Variants in NOCT observed in about 807,000 individuals in gnomAD.
NOCT encodes the protein CCR4 carbon catabolite repression 4-like.
In NOCT, 18 loss-of-function variants were observed where a neutral mutation model predicts 35.0. The ratio of observed to expected loss-of-function variants is 0.51; its 90% CI spans 0.36 to 0.76. The LOEUF (loss-of-function observed/expected upper bound fraction) is 0.76, where lower values mean the gene tolerates loss of function less well. NOCT is among the 30% of genes least tolerant of loss of function. NOCT has a pLI of 0.01. For synonymous variants in NOCT, 235 were observed against 226.3 expected (o/e 1.04, Z -0.34); for missense variants, 479 against 541.0 (o/e 0.89, Z 1.14).
intron 1 of NOCT, among the ~76,000 whole-genome samples, chr4:139,039,645 A>T (rs1218184508): frequency 6.6e-6 from 1 of 150,444 alleles, no homozygotes; most frequent in Non-Finnish European, 1.5e-5. Flanking sequence ...ATTTCTTTTT[A>T]ATTTTTATTG....
At chr4:139,033,521 T>C (rs1726664938) in intron 1 of NOCT, among the ~76,000 whole-genome samples, 1 of 151,828 alleles carries the variant, frequency 6.6e-6, no homozygotes, top group South Asian at 2.1e-4. Context: ...AAAAAAATTC[T>C]TTTAATTAGC....
At chr4:139,043,980 G>GTGTATATATATATATATATATA (rs757428472) in intron 2 of NOCT, 1 of 135,388 alleles carries the variant, frequency 7.4e-6, no homozygotes, top group African/African-American at 2.9e-5. Context: ...AAAAAAATAT[G>GTGTATATATATATATATATATA]TATATATATA....
At chr4:139,044,022 AAGGACTTCTTTCCTGGGTCTGC>A (rs1228582533) in intron 2 of NOCT, 5 of 148,924 alleles carry the variant, frequency 3.4e-5, no homozygotes, top group African/African-American at 1.2e-4. Context: ...TTACAGTAGT[AAGGACTTCTTTCCTGGGTCTGC>A]CAAATTAAAA....
chr4:139,042,410 ATTT>A (rs1177517383), intron 1 of NOCT, among the ~76,000 whole-genome samples: 4 of 152,142 alleles, frequency 2.6e-5, no homozygotes, highest in Admixed American at 2.6e-4. Context: ...AGGAATGTAG[ATTT>A]TGTTAAGCCT....
At chr4:139,039,572 C>T (rs1383101165) in intron 1 of NOCT, among the ~76,000 whole-genome samples, 1 of 151,190 alleles carries the variant, frequency 6.6e-6, no homozygotes, top group African/African-American at 2.4e-5. Flanking sequence ...GTATTTGTCA[C>T]TTTCTCCCTT....
chr4:139,020,112 TA>T (rs747262840), intron 1 of NOCT, among the ~76,000 whole-genome samples: 10 of 152,234 alleles, frequency 6.6e-5, no homozygotes, highest in Non-Finnish European at 1.5e-4. Context: ...ATTTTTCTGT[TA>T]GCATTCAATG....
chr4:139,032,164 A>G (rs1305899698), intron 1 of NOCT, among the ~76,000 whole-genome samples: 8 of 152,240 alleles, frequency 5.3e-5, no homozygotes, highest in Non-Finnish European at 1.2e-4. Context: ...CTTATACAGT[A>G]AAATAGCAGT....
chr4:139,042,071 C>CTTTTTTTTTT (rs368776726), intron 1 of NOCT, among the ~76,000 whole-genome samples: 1 of 108,740 alleles, frequency 9.2e-6, no homozygotes, highest in Non-Finnish European at 1.7e-5. Flanking sequence ...TCTTTAAGAT[C>CTTTTTTTTTT]TTTTTTTTTT....
chr4:139,018,628 C>A (rs1046433229), intron 1 of NOCT, among the ~76,000 whole-genome samples: 2 of 152,200 alleles, frequency 1.3e-5, no homozygotes. Context: ...TCACTCATTC[C>A]AGATCTTTAC....
chr4:139,043,980 G>GTATATATATATATATATATA (rs59044230), intron 2 of NOCT: 42 of 135,378 alleles, frequency 3.1e-4, no homozygotes, highest in African/African-American at 1.1e-3. Context: ...AAAAAAATAT[G>GTATATATATATATATATATA]TATATATATA....
At chr4:139,016,744 C>G (rs1726314604) in intron 1 of NOCT, among the ~76,000 whole-genome samples, 1 of 140,574 alleles carries the variant, frequency 7.1e-6, no homozygotes, top group Admixed American at 7.7e-5. Flanking sequence ...ACCTCCCGCT[C>G]CCGGGTTCAA....
At chr4:139,033,294 G>C (rs1311990986) in intron 1 of NOCT, among the ~76,000 whole-genome samples, 1 of 152,018 alleles carries the variant, frequency 6.6e-6, no homozygotes, top group Non-Finnish European at 1.5e-5. Context: ...AACCCGGGGG[G>C]GCGGAGGTTG....
intron 1 of NOCT, among the ~76,000 whole-genome samples, chr4:139,039,658 A>G (rs1307094284): frequency 6.6e-6 from 1 of 150,452 alleles, no homozygotes; most frequent in Non-Finnish European, 1.5e-5. Flanking sequence ...TTTTATTGCT[A>G]ATTCTTTTTG....
intron 1 of NOCT, among the ~76,000 whole-genome samples, chr4:139,037,705 C>T (rs75477841): frequency 0.011 from 1,696 of 152,242 alleles, 29 homozygotes; most frequent in African/African-American, 0.037. Context: ...ATTAAGACCA[C>T]GTAAGCCCTC....
intron 1 of NOCT, among the ~76,000 whole-genome samples, chr4:139,028,853 T>G (rs1457472840): frequency 6.6e-6 from 1 of 151,996 alleles, no homozygotes; most frequent in Non-Finnish European, 1.5e-5. Flanking sequence ...TTGTTTTGTT[T>G]TGTTTTGAGA....
intron 1 of NOCT, among the ~76,000 whole-genome samples, chr4:139,017,272 G>T (rs1726329663): frequency 7.3e-6 from 1 of 136,428 alleles, no homozygotes; most frequent in African/African-American, 2.7e-5. Context: ...TTATTTCCCA[G>T]GCTGGAGTGC....
intron 1 of NOCT, among the ~76,000 whole-genome samples, chr4:139,037,602 A>G (rs991607025): frequency 2.6e-5 from 4 of 152,168 alleles, no homozygotes; most frequent in Non-Finnish European, 5.9e-5. Flanking sequence ...ATGTGTCTCT[A>G]CTGCAAACAG....
intron 1 of NOCT, among the ~76,000 whole-genome samples, chr4:139,037,832 G>A (rs965923337): frequency 1.3e-5 from 2 of 151,930 alleles, no homozygotes; most frequent in Non-Finnish European, 2.9e-5. Context: ...AGGCTACAGT[G>A]GGTTATGATC....
intron 1 of NOCT, among the ~76,000 whole-genome samples, chr4:139,029,530 C>G (rs989156010): frequency 6.6e-6 from 1 of 152,226 alleles, no homozygotes; most frequent in South Asian, 2.1e-4. Context: ...CAATAACAGA[C>G]TTGGAGACTG....
Sources: gnomAD v4.1 joint callset for allele counts (sites outside exome capture counted in the v4.1 genomes callset) on GRCh38, gnomAD v4.1.1 for gene constraint, MANE v1.5 for transcripts, NCBI Gene and HGNC (gene_info 2026-07-23, HGNC 2026-07-21) for gene names.